Variants in GPR143 observed in about 807,000 individuals in gnomAD.
GPR143 encodes G-protein coupled receptor 143.
A neutral mutation model predicts 27.6 loss-of-function variants in GPR143; 8 were observed. That is an observed-to-expected ratio of 0.29 (90% CI 0.17 to 0.52). The LOEUF (loss-of-function observed/expected upper bound fraction) is 0.52, where lower values mean the gene tolerates loss of function less well. GPR143 is among the 20% of genes least tolerant of loss of function. The probability of loss-of-function intolerance (pLI) is 0.96; values close to 1 mark genes in which losing one functional copy is unlikely to be tolerated. For synonymous variants in GPR143, 156 were observed against 153.2 expected, an observed-to-expected ratio of 1.02 and a Z score of -0.13; for missense variants, 303 against 343.1, an observed-to-expected ratio of 0.88 and a Z score of 0.92.
intron 4 of GPR143, 125 bp from the exon 5 acceptor site, chrX:9,746,278 C>T (rs1464957727): frequency 7.6e-5 from 39 of 511,894 alleles, no homozygotes; most frequent in Non-Finnish European, 1.3e-4. Context: ...CTGCTGCTGA[C>T]TGCCCAAAGG....
intron 1 of GPR143, among the ~76,000 whole-genome samples, chrX:9,762,863 C>G (rs1050945756): frequency 9.0e-6 from 1 of 111,659 alleles, no homozygotes; most frequent in Admixed American, 9.6e-5. Flanking sequence ...TGCTTATTTG[C>G]TCGCAACCTC....
At chrX:9,775,581 AT>A (rs763848069) in intron 1 of GPR143, among the ~76,000 whole-genome samples, 3 of 112,006 alleles carry the variant, frequency 2.7e-5, no homozygotes, top group African/African-American at 9.7e-5. Flanking sequence ...AAGATCACAC[AT>A]CTGGTGGAGC....
chrX:9,765,870 T>C (rs2083530552), upstream of GPR143: 27 of 1,014,651 alleles, frequency 2.7e-5, no homozygotes, highest in Non-Finnish European at 3.1e-5. Flanking sequence ...CCGGCCTGCC[T>C]GGGTCATGTG....
rs1318863291 is a variant in GPR143 at position 9,733,751 on chromosome X, G to A, written c.1120+5734C>T. Among the ~76,000 whole-genome samples the A allele has an allele frequency of 8.1e-5, 9 of 111,414 alleles. No individual in the cohort carries two copies. The Admixed American group carries it at 8.6e-4, about 11-fold the overall frequency. Reference sequence around the variant, plus strand: ...GAGAGAACAAATTAGAGTGGAGAATGGAGAACTGTAGGAGAGACAGATTGT... The same window carrying A: ...GAGAGAACAAATTAGAGTGGAGAATAGAGAACTGTAGGAGAGACAGATTGT... On this transcript the variant is annotated intron_variant, in intron 8 of 8. Coordinates refer to ENST00000467482, the MANE Select transcript of GPR143 (RefSeq NM_000273.3).
chrX:9,765,772 C>T lies in GPR143; in HGVS notation c.46G>A (p.Ala16Thr), dbSNP rs2083529590. The change falls in exon 1 of 9, where the codon GCA becomes ACA. Residue 16 changes from alanine to threonine, a missense_variant. Physicochemically the swap from Ala to Thr is moderately conservative, Grantham distance 58. Transcript: ENST00000467482. ...LGTFCCPTRD[A>T]ATQLVLSFQP... Reference sequence around the variant, plus strand: ...AAGCTCAGCACGAGCTGCGTGGCTGCGTCCCGCGTGGGGCAGCAGAAGGTC... The same window carrying T: ...AAGCTCAGCACGAGCTGCGTGGCTGTGTCCCGCGTGGGGCAGCAGAAGGTC... 4 of 1,122,915 alleles carry T rather than the reference C, an allele frequency of 3.6e-6. No homozygotes were observed. Among genetic ancestry groups the T allele is most frequent in the African/African-American group, 1.9e-5 (1 of 53,065 alleles). The allele number at this position is 1,122,915 out of a possible 1,213,427, so 92.5% of individuals were successfully genotyped here.
At chrX:9,765,244 CCACGCA>C in intron 1 of GPR143, among the ~76,000 whole-genome samples, 1 of 111,681 alleles carries the variant, frequency 9.0e-6, no homozygotes, top group Non-Finnish European at 1.9e-5. Flanking sequence ...AACCTGCGGG[CCACGCA>C]CTCTCACCCG....
upstream of GPR143, among the ~76,000 whole-genome samples, chrX:9,768,812 G>A (rs1162299974): frequency 9.0e-6 from 1 of 110,814 alleles, no homozygotes; most frequent in Non-Finnish European, 1.9e-5. Flanking sequence ...TGAGCAGCTG[G>A]GACCACAGGC....
upstream of GPR143, among the ~76,000 whole-genome samples, chrX:9,770,392 C>T (rs1486236070): frequency 1.9e-5 from 2 of 106,357 alleles, no homozygotes; most frequent in Non-Finnish European, 3.8e-5. Context: ...ATGGGTATGG[C>T]TGTGTGCCAA....
chrX:9,733,152 T>C (rs1336408933), intron 8 of GPR143, among the ~76,000 whole-genome samples: 1 of 109,844 alleles, frequency 9.1e-6, no homozygotes, highest in Non-Finnish European at 1.9e-5. Context: ...AGGAAATTGC[T>C]GGAGAAAGGC....
intron 8 of GPR143, among the ~76,000 whole-genome samples, chrX:9,733,814 G>A (rs1383082853): frequency 9.0e-6 from 1 of 111,367 alleles, no homozygotes; most frequent in African/African-American, 3.3e-5. Context: ...TGATGCAGTG[G>A]CTCACGCCTG....
At chrX:9,748,044 T>C (rs778549978) in intron 4 of GPR143, 40 of 120,820 alleles carry the variant, frequency 3.3e-4, no homozygotes, top group Admixed American at 5.0e-4. Context: ...GAGGAAATGC[T>C]TGAGACAGTT....
At chrX:9,730,852 A>C (rs1474467973) in intron 8 of GPR143, among the ~76,000 whole-genome samples, 9 of 111,854 alleles carry the variant, frequency 8.0e-5, no homozygotes, top group Non-Finnish European at 3.8e-5. Context: ...TCTGTCCCTC[A>C]CAGGTACTCC....
chrX:9,731,803 G>A (rs372958080), intron 8 of GPR143, among the ~76,000 whole-genome samples: 8 of 98,898 alleles, frequency 8.1e-5, no homozygotes, highest in South Asian at 6.4e-4. Flanking sequence ...GAATTGGGGG[G>A]GGGGGGAAGG....
chrX:9,748,746 T>C (rs747991903), intron 3 of GPR143, 80 bp from the exon 4 acceptor site: 4 of 640,944 alleles, frequency 6.2e-6, no homozygotes, highest in Non-Finnish European at 2.6e-6. Context: ...GCTCCTGCGC[T>C]CTGGAAAGGT....
intron 1 of GPR143, among the ~76,000 whole-genome samples, chrX:9,765,116 G>A (rs57576405): frequency 0.057 from 6,373 of 111,971 alleles, 150 homozygotes; most frequent in Non-Finnish European, 0.074. Context: ...GTGTTAAGAC[G>A]GCCAGCCCAA....
In GPR143 at chrX:9,765,819, G is replaced by T. The variant is rs1356153054; in HGVS notation, c.-2C>A. 9.1e-7 allele frequency: 1 copy of T among 1,103,903 alleles called. No individual in the cohort carries two copies. The highest frequency in any genetic ancestry group is 2.2e-5 in the South Asian group (1 of 45,867). 91.0% of individuals were successfully genotyped at this position (1,103,903 alleles called of 1,213,427 possible). A position where few individuals can be genotyped will look rare whatever the true frequency, so the allele number is the denominator to read the frequency against. ...GGTCCCTAGGCGCGGGGAGGCCATG[G>T]GCTGTGTTCGCGGACGCGGCTCGGG... On this transcript the variant is annotated 5_prime_UTR_variant, in exon 1 of 9. Coordinates refer to ENST00000467482, the MANE Select transcript of GPR143 (RefSeq NM_000273.3).
intron 7 of GPR143, chrX:9,740,658 G>C (rs1408413673): frequency 6.9e-6 from 2 of 291,522 alleles, no homozygotes; most frequent in East Asian, 9.7e-5. Context: ...TGATTTCCCA[G>C]TTAATACCAG....
At chrX:9,763,258 C>T (rs1223774562) in intron 1 of GPR143, among the ~76,000 whole-genome samples, 2 of 110,739 alleles carry the variant, frequency 1.8e-5, no homozygotes, top group Non-Finnish European at 3.8e-5. Flanking sequence ...GTAGGAGGAT[C>T]GCTTGAGCCT....
At chrX:9,728,639 TAAAAAAAAAA>T (rs57462205) in intron 8 of GPR143, among the ~76,000 whole-genome samples, 13 of 19,222 alleles carry the variant, frequency 6.8e-4, no homozygotes, top group African/African-American at 2.2e-3. Flanking sequence ...CCCTATCTCT[TAAAAAAAAAA>T]AAAAAAAAAA....
Sources: allele counts gnomAD v4.1 joint callset (sites outside exome capture counted in the v4.1 genomes callset), GRCh38; gene constraint gnomAD v4.1.1; transcripts MANE v1.5; gene names NCBI Gene and HGNC (gene_info 2026-07-23, HGNC 2026-07-21).